KIF5A: variants seen among roughly 807,000 people sequenced by gnomAD.
KIF5A encodes kinesin family member 5A, also known as kinesin heavy chain isoform 5A.
In KIF5A, 35 loss-of-function variants were observed where a neutral mutation model predicts 141.3. The ratio of observed to expected loss-of-function variants is 0.25; its 90% CI spans 0.19 to 0.33. KIF5A has a LOEUF of 0.33. KIF5A is among the 10% of genes least tolerant of loss of function. The probability of loss-of-function intolerance (pLI) is 1.00; values close to 1 mark genes in which losing one functional copy is unlikely to be tolerated. For synonymous variants in KIF5A, 448 were observed against 500.2 expected, an observed-to-expected ratio of 0.90 and a Z score of 1.39; for missense variants, 861 against 1,314.3, an observed-to-expected ratio of 0.66 and a Z score of 5.33.
Position 57,550,503 on chromosome 12 carries a change from C to G in KIF5A, c.129+103C>G. On this transcript the variant is annotated intron_variant, in intron 1 of 28. Coordinates refer to ENST00000455537, the MANE Select transcript of KIF5A (RefSeq NM_004984.4). This position sits in a 1 kb window ranked among gnomAD's most constrained non-coding sequence, Gnocchi z 4.6. ...TGCTGGTCCCTTTGCTCCCCCTCCCCGCCGCTCATCCTTCATCCTCTTCCC... is the reference window on the plus strand; with the variant it reads ...TGCTGGTCCCTTTGCTCCCCCTCCCGGCCGCTCATCCTTCATCCTCTTCCC... 8.2e-7 allele frequency: 1 copy of G among 1,218,116 alleles called. No homozygotes were observed. Among genetic ancestry groups the G allele is most frequent in the Non-Finnish European group, 1.2e-6 (1 of 852,404 alleles). The allele number at this position is 1,218,116 out of a possible 1,614,324, so 75.5% of individuals were successfully genotyped here.
chr12:57,578,427 A>T lies in KIF5A; in HGVS notation c.2538+85A>T, dbSNP rs1468956059. ...TCCTCAGAGGCCCCTTGGATTCAGG[A>T]AAATCTAGTTGCATGTTTTCCTTAC... On this transcript the variant is annotated intron_variant, in intron 23 of 28. Coordinates refer to ENST00000455537, the MANE Select transcript of KIF5A (RefSeq NM_004984.4). 25 of 885,986 alleles carry T rather than the reference A, an allele frequency of 2.8e-5. No homozygotes were observed. In the Admixed American group the frequency reaches 4.5e-4, roughly 16 times the overall value. The allele number at this position is 885,986 out of a possible 1,614,324, so 54.9% of individuals were successfully genotyped here.
intron 1 of KIF5A, 59 bp from the exon 2 acceptor site, chr12:57,563,380 T>C: frequency 1.6e-6 from 2 of 1,217,870 alleles, no homozygotes; most frequent in Non-Finnish European, 2.4e-6. Flanking sequence ...GAGGTTGTGG[T>C]ATTTCTTTTC....
chr12:57,576,475 A>G (rs1882430225), intron 19 of KIF5A, 97 bp downstream of exon 19: 1 of 936,976 alleles, frequency 1.1e-6, no homozygotes. Context: ...TTTAACATCC[A>G]TGTGTCATTC....
chr12:57,569,739 G>A, intron 11 of KIF5A, 56 bp downstream of exon 11: 2 of 1,602,206 alleles, frequency 1.2e-6, no homozygotes, highest in Non-Finnish European at 1.7e-6. Context: ...AGGATGTTTG[G>A]GAGCCAACTC....
chr12:57,582,102 G>C (rs893143477), intron 26 of KIF5A, 150 bp downstream of exon 26: 17 of 714,276 alleles, frequency 2.4e-5, no homozygotes, highest in Non-Finnish European at 3.8e-5. Context: ...CATATAGCCA[G>C]GTGTGGTGGC....
At chr12:57,556,232 G>C (rs753753471) in intron 1 of KIF5A, among the ~76,000 whole-genome samples, 1 of 151,510 alleles carries the variant, frequency 6.6e-6, no homozygotes, top group Non-Finnish European at 1.5e-5. Flanking sequence ...TCCGCCTTCC[G>C]GGTTCACGCC....
chr12:57,564,363 C>A, intron 4 of KIF5A, 97 bp from the exon 5 acceptor site: 1 of 1,120,576 alleles, frequency 8.9e-7, no homozygotes, highest in Non-Finnish European at 1.4e-6. Flanking sequence ...TCTTTTCCTC[C>A]CACCACCGTT....
chr12:57,582,881 G>A (rs1234541008), intron 27 of KIF5A: 2 of 638,396 alleles, frequency 3.1e-6, no homozygotes, highest in African/African-American at 1.8e-5. Context: ...AAAACAACGT[G>A]GGCATCTGAC....
chr12:57,566,702 A>C (rs901522104), intron 6 of KIF5A, among the ~76,000 whole-genome samples: 2 of 149,228 alleles, frequency 1.3e-5, no homozygotes, highest in East Asian at 2.1e-4. Context: ...GGCGTGAGCC[A>C]CCATGCCCGC....
At chr12:57,580,276 G>T (rs1272743347) in intron 23 of KIF5A, among the ~76,000 whole-genome samples, 2 of 152,280 alleles carry the variant, frequency 1.3e-5, no homozygotes, top group Admixed American at 6.5e-5. Flanking sequence ...CAGGGTGGTT[G>T]CTCCCATGCT....
intron 25 of KIF5A, 21 bp downstream of exon 25, chr12:57,581,589 G>A (rs919602464): frequency 8.1e-6 from 13 of 1,613,398 alleles, no homozygotes; most frequent in Non-Finnish European, 1.1e-5. Context: ...ACACGTGTGG[G>A]TTGGAGTCCC....
chr12:57,563,806 A>C, intron 3 of KIF5A, 113 bp downstream of exon 3: 1 of 980,186 alleles, frequency 1.0e-6, no homozygotes, highest in Non-Finnish European at 1.6e-6. Flanking sequence ...AGGCAGATAG[A>C]TGAGTACAGA....
At chr12:57,567,238 C>A (rs751491322) in intron 7 of KIF5A, 25 bp downstream of exon 7, 3 of 1,558,872 alleles carry the variant, frequency 1.9e-6, no homozygotes, top group Non-Finnish European at 2.7e-6. Flanking sequence ...AAGGGGATCT[C>A]TCGAGTCTGA....
rs375316447 is a variant in KIF5A, at chr12:57,564,440, CCTT to C, written c.397-16_397-14del. On this transcript the variant is annotated splice_polypyrimidine_tract_variant and intron_variant, in intron 4 of 28. Transcript: ENST00000455537. ...AGATAGGCCCTCTTTACTTCACACTCCTTCTTTCTTCTTAACCAGGTTTCTTAC... is the reference window on the plus strand; with the variant it reads ...AGATAGGCCCTCTTTACTTCACACTCCTTTCTTCTTAACCAGGTTTCTTAC... The C allele has an allele frequency of 2.1e-4, 341 of 1,595,842 alleles. No homozygotes were observed. In the African/African-American group the frequency reaches 3.8e-3, roughly 18 times the overall value.
chr12:57,573,617 G>A (rs1038110911), intron 15 of KIF5A, among the ~76,000 whole-genome samples: 1 of 151,908 alleles, frequency 6.6e-6, no homozygotes, highest in Non-Finnish European at 1.5e-5. Flanking sequence ...ATCACCTGAG[G>A]TCAGGAGTTC....
intron 22 of KIF5A, 61 bp from the exon 23 acceptor site, chr12:57,578,177 G>C: frequency 6.3e-7 from 1 of 1,580,286 alleles, no homozygotes; most frequent in Non-Finnish European, 8.7e-7. Context: ...GGCTTGGCCT[G>C]GTCTTGGTGG....
At chr12:57,581,287 TC>T (rs942072767) in intron 24 of KIF5A, 115 bp downstream of exon 24, 49 of 1,511,030 alleles carry the variant, frequency 3.2e-5, no homozygotes, top group Middle Eastern at 3.4e-4. Flanking sequence ...TCATCCCACT[TC>T]CCCCCAAAAA....
rs148330712 is a variant in KIF5A, at chr12:57,571,620, A to T, written c.1362+231A>T. Among the ~76,000 whole-genome samples, 11 of 150,776 alleles carry T rather than the reference A, an allele frequency of 7.3e-5. 3 individuals carry two copies. Among genetic ancestry groups the T allele is most frequent in the African/African-American group, 2.7e-4 (11 of 40,956 alleles). ...AGTCTCAATTTGTTACCTAGGCTGGAATGCAGTGGGGCAATCTCAGCTCAC... is the reference window on the plus strand; with the variant it reads ...AGTCTCAATTTGTTACCTAGGCTGGTATGCAGTGGGGCAATCTCAGCTCAC... On this transcript the variant is annotated intron_variant, in intron 13 of 28. Transcript: ENST00000455537.
At chr12:57,577,287 A>G (rs1048751739) in intron 20 of KIF5A, among the ~76,000 whole-genome samples, 9 of 152,192 alleles carry the variant, frequency 5.9e-5, no homozygotes, top group African/African-American at 1.9e-4. Flanking sequence ...AGTAAACATG[A>G]GTAACTTGTG....
Sources: allele counts gnomAD v4.1 joint callset (sites outside exome capture counted in the v4.1 genomes callset), GRCh38; gene constraint gnomAD v4.1.1; non-coding constraint Gnocchi (gnomAD v3.1); transcripts MANE v1.5; gene names NCBI Gene and HGNC (gene_info 2026-07-23, HGNC 2026-07-21).